EXOC3L4: variants seen among roughly 807,000 people sequenced by gnomAD.
The protein encoded by EXOC3L4 is exocyst complex component 3 like 4, also known as exocyst complex component 3-like protein 4.
Under a neutral mutation model 69.7 loss-of-function variants are expected in EXOC3L4, and 62 were observed. The ratio of observed to expected loss-of-function variants is 0.89; its 90% confidence interval spans 0.72 to 1.10. The LOEUF (loss-of-function observed/expected upper bound fraction) is 1.10, where lower values mean the gene tolerates loss of function less well. EXOC3L4 is among the 50% of genes least tolerant of loss of function. The pLI is 0.00. For synonymous variants in EXOC3L4, 502 were observed against 464.2 expected (o/e 1.08, Z -1.05); for missense variants, 1,087 against 1,034.8 (o/e 1.05, Z -0.69).
In EXOC3L4 at chr14:103,104,288, G is replaced by T; in HGVS notation, c.1183G>T (p.Asp395Tyr). The part of the protein sequence containing the change: ...FLEAKIASCF[D>Y]SILQLEQSHW... Reference sequence around the variant, plus strand: ...CCAGGCCAAGATCGCAAGCTGCTTCGACAGCATCTTGCAGCTGGAGCAGAG... The same window carrying T: ...CCAGGCCAAGATCGCAAGCTGCTTCTACAGCATCTTGCAGCTGGAGCAGAG... Residue 395 changes from aspartate to tyrosine, a missense_variant, in exon 5 of 12, where the codon GAC becomes TAC. Asp to Tyr is a radical substitution (Grantham distance 160). Coordinates refer to ENST00000688303, the MANE Select transcript of EXOC3L4 (RefSeq NM_001077594.2). 6.3e-7 allele frequency: 1 copy of T among 1,596,094 alleles called. No individual in the cohort carries two copies. The highest frequency in any genetic ancestry group is 8.5e-7 in the Non-Finnish European group (1 of 1,173,218).
chr14:103,103,366 A>AAAAAG (rs1890323431), intron 3 of EXOC3L4, among the ~76,000 whole-genome samples: 1 of 148,862 alleles, frequency 6.7e-6, no homozygotes, highest in African/African-American at 2.5e-5. Flanking sequence ...AAAAAAAAAA[A>AAAAAG]AAAAAGAAAG....
chr14:103,100,730 C>A, intron 2 of EXOC3L4, 117 bp downstream of exon 2: 2 of 1,279,156 alleles, frequency 1.6e-6, no homozygotes, highest in Non-Finnish European at 2.1e-6. Flanking sequence ...TGCCCCCGAA[C>A]ATGTGCAATT....
At chr14:103,106,595 C>A (rs532477980) in intron 7 of EXOC3L4, among the ~76,000 whole-genome samples, 190 bp from the exon 8 acceptor site, 5 of 152,284 alleles carry the variant, frequency 3.3e-5, no homozygotes, top group Middle Eastern at 3.4e-3. Context: ...CCCTGACCCA[C>A]CCCTTTGTGA....
chr14:103,103,797 C>CGTGTGTGTGTGTGTGT lies in EXOC3L4; in HGVS notation c.1050-127_1050-112dup, dbSNP rs56147384. 8.1e-4 allele frequency: 353 copies of CGTGTGTGTGTGTGTGT among 433,686 alleles called. 3 individuals are homozygous for CGTGTGTGTGTGTGTGT. The highest frequency in any genetic ancestry group is 4.2e-3 in the African/African-American group (180 of 43,100). 26.9% of individuals were successfully genotyped at this position (433,686 alleles called of 1,614,324 possible). ...GCATGGCAGCCTAGAGGCGCGCGCG[C>CGTGTGTGTGTGTGTGT]GTGTGTGTGTGTGTGTGTGTGTGTG... On this transcript the variant is annotated intron_variant, in intron 3 of 11. Coordinates refer to ENST00000688303, the MANE Select transcript of EXOC3L4 (RefSeq NM_001077594.2).
chr14:103,104,687 G>A, intron 5 of EXOC3L4, 51 bp from the exon 6 acceptor site: 1 of 1,404,390 alleles, frequency 7.1e-7, no homozygotes, highest in Non-Finnish European at 9.3e-7. Flanking sequence ...GGGACCCGCG[G>A]CCTCAGGTCG....
At chr14:103,104,195 C>T in intron 4 of EXOC3L4, 72 bp from the exon 5 acceptor site, 3 of 1,467,630 alleles carry the variant, frequency 2.0e-6, no homozygotes, top group African/African-American at 1.5e-5. Flanking sequence ...CCCGACAGGG[C>T]GGCCCTCATC....
chr14:103,107,008 C>G, intron 8 of EXOC3L4, 109 bp downstream of exon 8: 1 of 967,608 alleles, frequency 1.0e-6, no homozygotes, highest in South Asian at 1.7e-5. Flanking sequence ...AGGGTGAGCT[C>G]ATGGGTGTGT....
rs1368380852 is a variant in EXOC3L4 at position 103,104,032 on chromosome 14, G to C, written c.1141G>C (p.Asp381His). Reference protein sequence around the residue: ...APDVWARLESDYTSFLEAKIA... With the variant: ...APDVWARLESHYTSFLEAKIA... ...GGACGTGTGGGCCCGACTGGAGAGC[G>C]ACTACACCAGCTTCCTGGAGGTCAG... The change falls in exon 4 of 12, where the codon GAC (aspartate) becomes CAC (histidine). Residue 381 changes from aspartate to histidine, a missense_variant. Asp to His is a moderately conservative substitution (Grantham distance 81). Transcript: ENST00000688303. 8 of 1,576,332 alleles carry C rather than the reference G, an allele frequency of 5.1e-6. No homozygotes were observed. Among genetic ancestry groups the C allele is most frequent in the Non-Finnish European group, 6.9e-6 (8 of 1,165,766 alleles).
intron 9 of EXOC3L4, 30 bp from the exon 10 acceptor site, chr14:103,107,601 T>A: frequency 6.2e-7 from 1 of 1,601,572 alleles, no homozygotes; most frequent in Non-Finnish European, 8.5e-7. Flanking sequence ...CTGTTGACCC[T>A]GACCCTGACC....
At position 103,108,451 on chromosome 14, in the gene EXOC3L4, G is replaced by A. The variant is rs1389061213; in HGVS notation, c.1910G>A (p.Gly637Asp). 1 of 1,613,688 alleles carries A rather than the reference G, an allele frequency of 6.2e-7. No homozygotes were observed. The highest frequency in any genetic ancestry group is 1.3e-5 in the African/African-American group (1 of 74,814). Residue 637 changes from glycine to aspartate, a missense_variant, in exon 11 of 12, where the codon GGC (glycine) becomes GAC (aspartate). Coordinates refer to ENST00000688303, the MANE Select transcript of EXOC3L4 (RefSeq NM_001077594.2). ...ATCCAGTGCGTGGCTGAGATCCTGG[G>A]CGAGACCTACAAAGATGACATCCAG... ...QAIQCVAEIL[G>D]ETYKDDIQRH... is the part of the protein sequence containing the mutation.
At chr14:103,099,770 G>A (rs1890071487) in intron 1 of EXOC3L4, among the ~76,000 whole-genome samples, 2 of 152,190 alleles carry the variant, frequency 1.3e-5, no homozygotes, top group Admixed American at 6.5e-5. Context: ...GGGGCTGGGG[G>A]GAGGGTTTTA....
At chr14:103,101,260 C>G (rs1890174902) in intron 2 of EXOC3L4, among the ~76,000 whole-genome samples, 1 of 151,866 alleles carries the variant, frequency 6.6e-6, no homozygotes, top group South Asian at 2.1e-4. Flanking sequence ...GCTATGTTGC[C>G]CAGGCTGGTC....
In EXOC3L4 at chr14:103,105,279, T is replaced by C. The variant is rs184366394; in HGVS notation, c.1466+207T>C. ...TTGGGGGGTGTGTGTGCGTGTGTGA[T>C]GGAGCTGAGGGTGTGTGCCTGTGTG... On this transcript the variant is annotated intron_variant, in intron 7 of 11. Coordinates refer to ENST00000688303, the MANE Select transcript of EXOC3L4 (RefSeq NM_001077594.2). Among the ~76,000 whole-genome samples the C allele has an allele frequency of 4.8e-3, 710 of 148,630 alleles. 6 individuals are homozygous for C. The highest frequency in any genetic ancestry group is 0.017 in the African/African-American group (683 of 39,980).
At chr14:103,106,692 T>C (rs983028231) in intron 7 of EXOC3L4, 93 bp from the exon 8 acceptor site, 1 of 720,702 alleles carries the variant, frequency 1.4e-6, no homozygotes, top group Non-Finnish European at 2.3e-6. Flanking sequence ...GCCCTTCACA[T>C]TGTAGTCTAA....
intron 8 of EXOC3L4, 32 bp downstream of exon 8, chr14:103,106,931 C>T (rs994051423): frequency 6.7e-7 from 1 of 1,493,746 alleles, no homozygotes; most frequent in Non-Finnish European, 9.1e-7. Context: ...TCCCTACTTC[C>T]CATGCCCAGC....
chr14:103,106,927 C>G, intron 8 of EXOC3L4, 28 bp downstream of exon 8: 1 of 1,505,212 alleles, frequency 6.6e-7, no homozygotes, highest in Non-Finnish European at 9.0e-7. Context: ...TCTCTCCCTA[C>G]TTCCCATGCC....
chr14:103,101,027 C>T (rs111906353), intron 2 of EXOC3L4, among the ~76,000 whole-genome samples: 2,152 of 151,984 alleles, frequency 0.014, 43 homozygotes, highest in African/African-American at 0.05. Flanking sequence ...CTCAGGCCCC[C>T]AAGTCACTAG....
In EXOC3L4 at chr14:103,096,515, G is replaced by A. The variant is rs770431968; in HGVS notation, c.-17+1675G>A. 4.0e-5 allele frequency among the ~76,000 whole-genome samples: 6 copies of A among 151,490 alleles called. No homozygotes were observed. The Admixed American group carries it at 4.0e-4, about 10-fold the overall frequency. ...GCTCAAATGCCTGGGTTTATATCCC[G>A]ATCATTGTCCCTCCCACTGTGCTCT... On this transcript the variant is annotated intron_variant, in intron 1 of 11. Coordinates refer to ENST00000688303, the MANE Select transcript of EXOC3L4 (RefSeq NM_001077594.2).
At position 103,102,702 on chromosome 14, in the gene EXOC3L4, C is replaced by T. The variant is rs751477109; in HGVS notation, c.979C>T (p.Leu327Phe). 3.6e-5 allele frequency: 53 copies of T among 1,467,108 alleles called. No homozygotes were observed. The highest frequency in any genetic ancestry group is 2.8e-5 in the Non-Finnish European group (31 of 1,114,058). The allele number at this position is 1,467,108 out of a possible 1,614,324, so 90.9% of individuals were successfully genotyped here. Residue 327 changes from leucine (L) to phenylalanine (F), a missense_variant, in exon 3 of 12, where the codon CTC becomes TTC. Coordinates refer to ENST00000688303, the MANE Select transcript of EXOC3L4 (RefSeq NM_001077594.2). ...HSAVAQRLQE[L>F]ARDARGCEQL... is the part of the protein sequence containing the mutation. ...CGCCGTGGCCCAGCGCCTCCAGGAGCTCGCGCGCGACGCCCGCGGCTGCGA... is the reference window on the plus strand; with the variant it reads ...CGCCGTGGCCCAGCGCCTCCAGGAGTTCGCGCGCGACGCCCGCGGCTGCGA...
Sources: gnomAD v4.1 joint callset for allele counts (sites outside exome capture counted in the v4.1 genomes callset) on GRCh38, gnomAD v4.1.1 for gene constraint, MANE v1.5 for transcripts, NCBI Gene and HGNC (gene_info 2026-07-23, HGNC 2026-07-21) for gene names.